NLGN1: variants seen among roughly 807,000 people sequenced by gnomAD.
NLGN1 encodes neuroligin 1, also known as neuroligin-1.
In NLGN1, 12 loss-of-function variants were observed where a neutral mutation model predicts 65.5. The observed-to-expected ratio is 0.18, with a 90% CI of 0.12 to 0.30. The LOEUF is 0.30. Among genes scored for constraint, NLGN1 ranks in the 10% least tolerant of loss-of-function variants. The pLI is 1.00. For synonymous variants in NLGN1, 350 were observed against 359.5 expected (o/e 0.97, Z 0.30); for missense variants, 750 against 1,007.1 (o/e 0.74, Z 3.46).
chr3:174,148,574 A>T (rs1723770726), intron 4 of NLGN1, among the ~76,000 whole-genome samples: 1 of 152,190 alleles, frequency 6.6e-6, no homozygotes, highest in African/African-American at 2.4e-5. Flanking sequence ...CCAATTTACT[A>T]GCACTTAATC....
intron 4 of NLGN1, among the ~76,000 whole-genome samples, chr3:174,171,699 G>C (rs1399343292): frequency 1.3e-5 from 2 of 152,016 alleles, no homozygotes; most frequent in African/African-American, 4.8e-5. Flanking sequence ...TTGGAATTTT[G>C]AATCTTTAGG....
At chr3:173,917,623 T>C (rs1010505213) in intron 4 of NLGN1, among the ~76,000 whole-genome samples, 1 of 152,178 alleles carries the variant, frequency 6.6e-6, no homozygotes, top group African/African-American at 2.4e-5. Flanking sequence ...TGACCTAGAA[T>C]AGCTAGTCCT....
intron 4 of NLGN1, among the ~76,000 whole-genome samples, chr3:173,836,824 C>T (rs1486411997): frequency 1.3e-5 from 2 of 152,092 alleles, no homozygotes; most frequent in Non-Finnish European, 2.9e-5. Context: ...TGTGGCATTT[C>T]ACGTAACTTC....
At chr3:174,258,188 A>G (rs1262797913) in intron 4 of NLGN1, among the ~76,000 whole-genome samples, 1 of 152,096 alleles carries the variant, frequency 6.6e-6, no homozygotes, top group Non-Finnish European at 1.5e-5. Context: ...ATGACATAGG[A>G]ACCAGCTTTG....
chr3:173,539,827 ATG>A (rs1738478077), intron 2 of NLGN1, among the ~76,000 whole-genome samples: 2 of 128,432 alleles, frequency 1.6e-5, no homozygotes, highest in African/African-American at 6.7e-5. Context: ...TATGTTATAT[ATG>A]TATATATGTT....
intron 2 of NLGN1, among the ~76,000 whole-genome samples, chr3:173,573,714 T>A (rs962275770): frequency 6.6e-6 from 1 of 150,924 alleles, no homozygotes; most frequent in Non-Finnish European, 1.5e-5. Flanking sequence ...TTAGTGAATA[T>A]GGGAAGAGGA....
chr3:173,415,944 G>GCGAGCA (rs1165293560), intron 1 of NLGN1, among the ~76,000 whole-genome samples: 1 of 111,644 alleles, frequency 9.0e-6, no homozygotes, highest in African/African-American at 3.4e-5. Flanking sequence ...GAGAGAGAGA[G>GCGAGCA]CTTGGTATAG....
chr3:173,871,835 A>G (rs566965918), intron 4 of NLGN1, among the ~76,000 whole-genome samples: 31 of 152,202 alleles, frequency 2.0e-4, no homozygotes, highest in Admixed American at 7.2e-4. Flanking sequence ...TCCAGTCACT[A>G]TCTTGAGCCT....
At chr3:173,507,385 C>G (rs1008123813) in intron 2 of NLGN1, among the ~76,000 whole-genome samples, 1 of 152,114 alleles carries the variant, frequency 6.6e-6, no homozygotes, top group African/African-American at 2.4e-5. Context: ...AATTAGCTCT[C>G]TCTTCTTAAC....
At chr3:173,816,873 C>T (rs181815650) in intron 4 of NLGN1, among the ~76,000 whole-genome samples, 22 of 152,342 alleles carry the variant, frequency 1.4e-4, no homozygotes, top group African/African-American at 3.6e-4. Context: ...CCATGTTCAT[C>T]CAATCTAACA....
At chr3:173,463,159 A>G (rs1723693103) in intron 2 of NLGN1, among the ~76,000 whole-genome samples, 1 of 152,196 alleles carries the variant, frequency 6.6e-6, no homozygotes, top group Non-Finnish European at 1.5e-5. Flanking sequence ...GGATGTATGC[A>G]AGTGGTCTGT....
At chr3:173,807,164 A>G (rs558333836) in intron 3 of NLGN1, among the ~76,000 whole-genome samples, 1 of 152,288 alleles carries the variant, frequency 6.6e-6, no homozygotes, top group Admixed American at 6.5e-5. Flanking sequence ...CAATACTGTA[A>G]TTATGTTCAC....
At chr3:173,969,149 T>C (rs750467674) in intron 4 of NLGN1, among the ~76,000 whole-genome samples, 2 of 152,098 alleles carry the variant, frequency 1.3e-5, no homozygotes, top group African/African-American at 2.4e-5. Flanking sequence ...AAAAAAGACT[T>C]AAGGATGAGT....
At chr3:173,746,514 TCC>T (rs1281891281) in intron 3 of NLGN1, among the ~76,000 whole-genome samples, 1 of 150,824 alleles carries the variant, frequency 6.6e-6, no homozygotes, top group South Asian at 2.1e-4. Context: ...TATCAGGACT[TCC>T]TTGCTGTTTC....
chr3:173,499,736 A>G (rs1236463467), intron 2 of NLGN1, among the ~76,000 whole-genome samples: 3 of 151,852 alleles, frequency 2.0e-5, no homozygotes, highest in Admixed American at 6.6e-5. Flanking sequence ...TTCATTGAGC[A>G]GTGGTTTGTA....
intron 4 of NLGN1, among the ~76,000 whole-genome samples, chr3:174,041,632 T>A (rs1387905430): frequency 6.6e-6 from 1 of 152,166 alleles, no homozygotes; most frequent in Non-Finnish European, 1.5e-5. Flanking sequence ...TTAATATTTG[T>A]TATTCTGGTG....
At chr3:173,797,849 C>T (rs1012707410) in intron 3 of NLGN1, among the ~76,000 whole-genome samples, 6 of 152,078 alleles carry the variant, frequency 3.9e-5, no homozygotes, top group Non-Finnish European at 5.9e-5. Flanking sequence ...AAGAAGTGGG[C>T]GATGATGTTT....
chr3:174,176,495 G>A (rs1729469719), intron 4 of NLGN1, among the ~76,000 whole-genome samples: 2 of 151,988 alleles, frequency 1.3e-5, no homozygotes, highest in South Asian at 4.1e-4. Flanking sequence ...GCCATCAGTG[G>A]TGAGACTCCC....
intron 4 of NLGN1, among the ~76,000 whole-genome samples, chr3:174,186,482 C>G (rs1340664739): frequency 2.0e-5 from 3 of 152,158 alleles, no homozygotes; most frequent in East Asian, 1.9e-4. Flanking sequence ...AATGTCTCTG[C>G]TTCAGACCTA....
Sources: allele counts gnomAD v4.1 joint callset (sites outside exome capture counted in the v4.1 genomes callset), GRCh38; gene constraint gnomAD v4.1.1; transcripts MANE v1.5; gene names NCBI Gene and HGNC (gene_info 2026-07-23, HGNC 2026-07-21).